Variants in CREBBP observed in about 807,000 individuals in gnomAD.
CREBBP encodes the protein CREB-binding protein.
In CREBBP, 19 loss-of-function variants were observed where a neutral mutation model predicts 265.0. That is an observed-to-expected ratio of 0.07 (90% CI 0.05 to 0.11). The LOEUF (loss-of-function observed/expected upper bound fraction) is 0.11. CREBBP is among the 10% of genes least tolerant of loss of function. The pLI, the probability that CREBBP is intolerant of heterozygous loss-of-function variation, is 1.00. For missense variants in CREBBP, 2,525 were observed against 3,219.0 expected (o/e 0.78, Z 5.22); for synonymous variants, 1,457 against 1,223.7 (o/e 1.19, Z -3.98).
intron 1 of CREBBP, among the ~76,000 whole-genome samples, chr16:3,878,448 G>A (rs1345248944): frequency 2.0e-5 from 3 of 152,160 alleles, no homozygotes; most frequent in Admixed American, 6.5e-5. Flanking sequence ...ATTTTAACTA[G>A]ATAAGAATCT....
intron 3 of CREBBP, among the ~76,000 whole-genome samples, chr16:3,806,673 G>A (rs947866714): frequency 2.0e-5 from 3 of 152,014 alleles, no homozygotes; most frequent in Admixed American, 2.0e-4. Flanking sequence ...CTTCCAGAAG[G>A]ATCGCCCTTG....
chr16:3,794,529 G>A (rs1305049377), intron 3 of CREBBP, among the ~76,000 whole-genome samples: 2 of 152,098 alleles, frequency 1.3e-5, no homozygotes, highest in African/African-American at 2.4e-5. Flanking sequence ...ATGACAGTTA[G>A]CCTTAATACA....
rs1020598081 is a variant in CREBBP, at chr16:3,752,742, T to G, written c.3699-936A>C. Among the ~76,000 whole-genome samples, 8 of 152,326 alleles carry G rather than the reference T, an allele frequency of 5.3e-5. No homozygotes were observed. The East Asian group carries it at 1.2e-3, about 22-fold the overall frequency. On this transcript the variant is annotated intron_variant, in intron 19 of 30. Coordinates refer to ENST00000262367, the MANE Select transcript of CREBBP (RefSeq NM_004380.3). ...TCTGAAAGACTTAGCGAATGACTGT[T>G]CTGACTTGGGGGCAATCCAAGTTAA...
chr16:3,867,561 TGTTA>T (rs921084846), intron 1 of CREBBP, among the ~76,000 whole-genome samples: 59 of 152,256 alleles, frequency 3.9e-4, no homozygotes, highest in African/African-American at 3.9e-4. Context: ...AATTGTTTTG[TGTTA>T]TTTATCTAAA....
At chr16:3,797,844 A>C (rs1449722670) in intron 3 of CREBBP, among the ~76,000 whole-genome samples, 2 of 152,160 alleles carry the variant, frequency 1.3e-5, no homozygotes, top group Non-Finnish European at 2.9e-5. Context: ...AAATTTAAAA[A>C]CTTTTAGGAC....
In CREBBP at chr16:3,765,092, G is replaced by C. The variant is rs187224738; in HGVS notation, c.3250+2628C>G. On this transcript the variant is annotated intron_variant, in intron 16 of 30. Coordinates refer to ENST00000262367, the MANE Select transcript of CREBBP (RefSeq NM_004380.3). ...GGGTTCACACCATTCTCCTGCCTCA[G>C]CCTCCCGAGCAGCTGGGACTACAGG... 7.5e-3 allele frequency among the ~76,000 whole-genome samples: 1,139 copies of C among 152,100 alleles called. 13 individuals are homozygous for C. The highest frequency in any genetic ancestry group is 0.02 in the Middle Eastern group (6 of 294).
rs56268770 is a variant in CREBBP, at chr16:3,731,705, C to T, written c.4890+71G>A. On this transcript the variant is annotated intron_variant, in intron 29 of 30. Coordinates refer to ENST00000262367, the MANE Select transcript of CREBBP (RefSeq NM_004380.3). This position sits in a 1 kb window ranked among gnomAD's most constrained non-coding sequence, Gnocchi z 7.7. ...CACCACAGACCTGCACACGGGCCCACGCCCGCCAGCTGCGAGTCTTTCCCT... is the reference window on the plus strand; with the variant it reads ...CACCACAGACCTGCACACGGGCCCATGCCCGCCAGCTGCGAGTCTTTCCCT... 4.8e-3 allele frequency: 7,773 copies of T among 1,603,166 alleles called. 23 individuals carry two copies. The highest frequency in any genetic ancestry group is 5.7e-3 in the Non-Finnish European group (6,636 of 1,171,352).
chr16:3,850,869 C>G lies in CREBBP; in HGVS notation c.226G>C (p.Gly76Arg). Residue 76 changes from glycine to arginine, a missense_variant, in exon 2 of 31, where the codon GGA becomes CGA. By Grantham distance (125) the Gly-to-Arg change is moderately radical. Transcript: ENST00000262367. ...KHKQLSELLRGGSGSSINPGI... is the reference protein window; with the variant it reads ...KHKQLSELLRRGSGSSINPGI... The stretch of plus-strand genomic sequence containing the variant: ...GGGTTGATACTAGAGCCGCTGCCTC[C>G]TCGTAGAAGCTCCGACAGTTGTTTA... 2.5e-6 allele frequency: 4 copies of G among 1,614,176 alleles called. No homozygotes were observed. Among genetic ancestry groups the G allele is most frequent in the Admixed American group, 1.7e-5 (1 of 60,018 alleles).
intron 22 of CREBBP, 44 bp from the exon 23 acceptor site, chr16:3,745,005 A>G: frequency 7.1e-7 from 1 of 1,412,542 alleles, no homozygotes; most frequent in Non-Finnish European, 1.0e-6. Context: ...ATAATGATGT[A>G]AATTGTCAAA....
At chr16:3,855,409 C>A (rs189300726) in intron 1 of CREBBP, among the ~76,000 whole-genome samples, 3 of 152,146 alleles carry the variant, frequency 2.0e-5, no homozygotes, top group African/African-American at 7.2e-5. Context: ...GGATTACAGG[C>A]GTGCACCACC....
chr16:3,851,457 T>C (rs544237218), intron 1 of CREBBP, among the ~76,000 whole-genome samples: 1 of 152,150 alleles, frequency 6.6e-6, no homozygotes, highest in East Asian at 1.9e-4. Flanking sequence ...TCTAAAACAA[T>C]AATTAAATAG....
intron 2 of CREBBP, among the ~76,000 whole-genome samples, chr16:3,824,029 G>T (rs1009195688): frequency 1.3e-5 from 2 of 152,050 alleles, no homozygotes; most frequent in African/African-American, 4.8e-5. Context: ...AAGTCTTTCA[G>T]GAGGGAGGTA....
At chr16:3,833,244 A>G (rs1203202727) in intron 2 of CREBBP, among the ~76,000 whole-genome samples, 4 of 152,126 alleles carry the variant, frequency 2.6e-5, no homozygotes, top group African/African-American at 9.7e-5. Flanking sequence ...GAAACCCCGT[A>G]TCTACTAAAA....
rs1402686977 is a variant in CREBBP at position 3,733,310 on chromosome 16, T to C, written c.4729-1373A>G. Among the ~76,000 whole-genome samples the C allele has an allele frequency of 2.8e-5, 4 of 142,164 alleles. No homozygotes were observed. The East Asian group carries it at 6.3e-4, about 22-fold the overall frequency. 93.3% of individuals were successfully genotyped at this position (142,164 alleles called of 152,430 possible). On this transcript the variant is annotated intron_variant, in intron 28 of 30. Coordinates refer to ENST00000262367, the MANE Select transcript of CREBBP (RefSeq NM_004380.3). ...CCGGGAGGCGGAGCTTGCAGTGAGC[T>C]GAGATGGCGCCACTGCACTCCAGCC...
chr16:3,751,674 A>T, intron 20 of CREBBP, 52 bp downstream of exon 20: 1 of 1,559,616 alleles, frequency 6.4e-7, no homozygotes. Context: ...AGGAAAAAAC[A>T]ATTTAAGGTC....
intron 5 of CREBBP, among the ~76,000 whole-genome samples, chr16:3,783,726 G>A (rs979289689): frequency 6.6e-6 from 1 of 152,242 alleles, no homozygotes; most frequent in Non-Finnish European, 1.5e-5. Flanking sequence ...CGTGGCCAAA[G>A]TCAGCTTCTG....
chr16:3,768,014 T>C lies in CREBBP; in HGVS notation c.3061-105A>G. 4 of 1,027,568 alleles carry C rather than the reference T, an allele frequency of 3.9e-6. No individual in the cohort carries two copies. In the South Asian group the frequency reaches 5.1e-5, roughly 13 times the overall value. The allele number at this position is 1,027,568 out of a possible 1,614,324, so 63.7% of individuals were successfully genotyped here. ...GCCTAAAACAGGTTTGTTAAAACCT[T>C]CCTCTAGTCAGAGTTGCATTTATGA... On this transcript the variant is annotated intron_variant, in intron 15 of 30. Transcript: ENST00000262367.
At chr16:3,779,990 C>A (rs922336320) in intron 8 of CREBBP, among the ~76,000 whole-genome samples, 36 of 152,022 alleles carry the variant, frequency 2.4e-4, no homozygotes, top group African/African-American at 8.2e-4. Context: ...GCTCATAACC[C>A]CAGCACTTCG....
At chr16:3,833,292 G>A (rs1167955967) in intron 2 of CREBBP, among the ~76,000 whole-genome samples, 2 of 152,210 alleles carry the variant, frequency 1.3e-5, no homozygotes, top group Non-Finnish European at 2.9e-5. Context: ...CAAGCCTGTA[G>A]TCCCAGTTAC....
Sources: gnomAD v4.1 joint callset for allele counts (sites outside exome capture counted in the v4.1 genomes callset) on GRCh38, gnomAD v4.1.1 for gene constraint, Gnocchi (gnomAD v3.1) non-coding constraint, MANE v1.5 for transcripts, NCBI Gene and HGNC (gene_info 2026-07-23, HGNC 2026-07-21) for gene names.